Variants in WDR64 observed in about 807,000 individuals in gnomAD.
WDR64 encodes WD repeat domain 64.
In WDR64, 112 loss-of-function variants were observed where a neutral mutation model predicts 139.3. The observed-to-expected ratio is 0.80, with a 90% CI of 0.69 to 0.94. The LOEUF is 0.94. Among genes scored for constraint, WDR64 ranks in the 40% least tolerant of loss-of-function variants. The pLI, the probability that WDR64 is intolerant of heterozygous loss-of-function variation, is 0.00. For missense variants in WDR64, 1,206 were observed against 1,293.1 expected, an observed-to-expected ratio of 0.93 and a Z score of 1.03; for synonymous variants, 444 against 437.7, an observed-to-expected ratio of 1.01 and a Z score of -0.18.
Position 241,723,412 on chromosome 1 carries a change from T to C in WDR64, c.1170T>C (p.His390=), listed in dbSNP as rs750793373. 3.7e-6 allele frequency: 6 copies of C among 1,613,772 alleles called. No individual in the cohort carries two copies. The African/African-American group carries it at 6.7e-5, about 18-fold the overall frequency. The change falls in exon 10 of 28, where the codon CAT becomes CAC. Residue 390 remains histidine, a synonymous_variant. Transcript: ENST00000437684. ...AEIVTNEKDQ[H]VVSLSSAKVF... is the part of the protein sequence containing the mutation. ...TCGTAACCAATGAAAAAGATCAACA[T>C]GTCGTCAGCCTTTCCTCTGCAAAGG...
At chr1:241,796,063 C>A (rs1250861805) in intron 26 of WDR64, among the ~76,000 whole-genome samples, 194 bp from the exon 27 acceptor site, 1 of 151,884 alleles carries the variant, frequency 6.6e-6, no homozygotes, top group African/African-American at 2.4e-5. Flanking sequence ...GCCTGGGCAA[C>A]ATAATGGGGC....
intron 10 of WDR64, among the ~76,000 whole-genome samples, chr1:241,731,409 A>G (rs1669073983): frequency 6.6e-6 from 1 of 152,196 alleles, no homozygotes; most frequent in African/African-American, 2.4e-5. Flanking sequence ...TAAGCTCTTT[A>G]TATGTATGAA....
chr1:241,735,845 CTCTCTCTCTCTGTGTGTGTGTGTGTG>C (rs1424694420), intron 10 of WDR64, among the ~76,000 whole-genome samples: 1 of 100,500 alleles, frequency 1.0e-5, no homozygotes, highest in African/African-American at 4.5e-5. Context: ...CTCTCTCTCT[CTCTCTCTCTCTGTGTGTGTGTGTGTG>C]TGTGTGTGTG....
chr1:241,767,351 T>TC (rs141454828), intron 16 of WDR64, among the ~76,000 whole-genome samples: 23,447 of 151,648 alleles, frequency 0.15, 2,065 homozygotes, highest in African/African-American at 0.21. Flanking sequence ...TTTTTTTTTT[T>TC]GCATTTGTTG....
chr1:241,686,488 T>C (rs1200614703), intron 7 of WDR64, among the ~76,000 whole-genome samples: 2 of 152,204 alleles, frequency 1.3e-5, no homozygotes, highest in African/African-American at 4.8e-5. Flanking sequence ...TTTAAGCAAC[T>C]TGGTGACAAG....
intron 8 of WDR64, among the ~76,000 whole-genome samples, chr1:241,696,252 C>G (rs1391365606): frequency 2.0e-5 from 3 of 147,102 alleles, no homozygotes; most frequent in East Asian, 4.2e-4. Flanking sequence ...CCTCTTTTAT[C>G]TTATCAGCTC....
At chr1:241,659,500 C>T (rs1027486270) in intron 1 of WDR64, among the ~76,000 whole-genome samples, 8 of 152,134 alleles carry the variant, frequency 5.3e-5, no homozygotes, top group Non-Finnish European at 1.2e-4. Context: ...CTTCCACAAT[C>T]GTTGAACTAA....
intron 8 of WDR64, among the ~76,000 whole-genome samples, chr1:241,692,391 C>T (rs1667335357): frequency 6.6e-6 from 1 of 152,090 alleles, no homozygotes; most frequent in Admixed American, 6.6e-5. Flanking sequence ...CAAGTCAAGA[C>T]ATAAAGCTAT....
At chr1:241,727,675 AG>A (rs1668899352) in intron 10 of WDR64, among the ~76,000 whole-genome samples, 2 of 152,182 alleles carry the variant, frequency 1.3e-5, no homozygotes, top group South Asian at 2.1e-4. Flanking sequence ...TTGACATGCT[AG>A]GGGAAGAGAC....
chr1:241,793,953 G>A (rs575274658), intron 25 of WDR64, among the ~76,000 whole-genome samples: 255 of 152,162 alleles, frequency 1.7e-3, no homozygotes, highest in African/African-American at 5.9e-3. Context: ...AGGCTGAGGC[G>A]GGTGGATCAC....
intron 10 of WDR64, among the ~76,000 whole-genome samples, chr1:241,737,344 A>C (rs1669368719): frequency 6.6e-6 from 1 of 152,246 alleles, no homozygotes; most frequent in Non-Finnish European, 1.5e-5. Flanking sequence ...CCTTAGCAAT[A>C]GTGAAGATTT....
In WDR64 at chr1:241,776,686, T is replaced by A. The variant is rs908209006; in HGVS notation, c.2536+1476T>A. 2.6e-5 allele frequency among the ~76,000 whole-genome samples: 4 copies of A among 152,182 alleles called. 1 individual carries two copies. Among genetic ancestry groups the A allele is most frequent in the African/African-American group, 9.7e-5 (4 of 41,442 alleles). On this transcript the variant is annotated intron_variant, in intron 21 of 27. Coordinates refer to ENST00000437684, the MANE Select transcript of WDR64 (RefSeq NM_001367482.1). ...TAGAGAAAGTTAAGATCAGTCAAAT[T>A]TTGTTGCTTTCTAAAAATAGCCTGC... is the stretch of plus-strand genomic sequence containing the variant.
chr1:241,760,929 C>T (rs12021753), intron 15 of WDR64, among the ~76,000 whole-genome samples: 2 of 151,662 alleles, frequency 1.3e-5, no homozygotes, highest in Admixed American at 6.6e-5. Flanking sequence ...CCACGCCCGG[C>T]TAGTTTCCAT....
rs531731820 is a variant in WDR64 at position 241,708,871 on chromosome 1, T to G, written c.975-2931T>G. Among the ~76,000 whole-genome samples the G allele has an allele frequency of 9.9e-5, 15 of 152,250 alleles. 2 individuals carry two copies. The South Asian group carries it at 2.9e-3, about 29-fold the overall frequency. ...TTTCTTTTTTAATATCCAAAGTGATTCTGATGCACAATCAGATTTTGGAAC... is the reference window on the plus strand; with the variant it reads ...TTTCTTTTTTAATATCCAAAGTGATGCTGATGCACAATCAGATTTTGGAAC... On this transcript the variant is annotated intron_variant, in intron 8 of 27. Transcript: ENST00000437684.
chr1:241,710,998 A>G (rs1367456260), intron 8 of WDR64, among the ~76,000 whole-genome samples: 2 of 152,224 alleles, frequency 1.3e-5, no homozygotes, highest in Non-Finnish European at 2.9e-5. Flanking sequence ...GCACTTTGGG[A>G]GGCTGAAGCA....
At chr1:241,719,100 T>G (rs1018817679) in intron 9 of WDR64, among the ~76,000 whole-genome samples, 2 of 151,964 alleles carry the variant, frequency 1.3e-5, no homozygotes, top group South Asian at 4.1e-4. Context: ...TTAATAACAC[T>G]CCAAGAAGTG....
At chr1:241,774,697 C>G (rs1658581075) in intron 20 of WDR64, among the ~76,000 whole-genome samples, 1 of 151,792 alleles carries the variant, frequency 6.6e-6, no homozygotes, top group Non-Finnish European at 1.5e-5. Flanking sequence ...TGTCTCCCTT[C>G]TGAAAAAAAT....
In WDR64 at chr1:241,787,877, T is replaced by A; in HGVS notation, c.2734T>A (p.Cys912Ser). 1 of 1,605,078 alleles carries A rather than the reference T, an allele frequency of 6.2e-7. No individual in the cohort carries two copies. Among genetic ancestry groups the A allele is most frequent in the African/African-American group, 1.3e-5 (1 of 74,338 alleles). ...RLWHALNGHY[C>S]GYFGQRRLFE... ...CTGGCATGCCCTCAATGGACATTAT[T>A]GTGGATATTTTGGACAGCGAAGGCT... is the stretch of plus-strand genomic sequence containing the variant. Residue 912 changes from cysteine to serine, a missense_variant, in exon 24 of 28, where the codon TGT becomes AGT. Coordinates refer to ENST00000437684, the MANE Select transcript of WDR64 (RefSeq NM_001367482.1).
intron 27 of WDR64, among the ~76,000 whole-genome samples, chr1:241,799,882 A>T (rs1659472745): frequency 6.6e-6 from 1 of 152,150 alleles, no homozygotes; most frequent in East Asian, 1.9e-4. Context: ...ATGACATTGT[A>T]TCATATAAAA....
Sources: gnomAD v4.1 joint callset for allele counts (sites outside exome capture counted in the v4.1 genomes callset) on GRCh38, gnomAD v4.1.1 for gene constraint, MANE v1.5 for transcripts, NCBI Gene and HGNC (gene_info 2026-07-23, HGNC 2026-07-21) for gene names.